ADAMTSL5: variants seen among roughly 807,000 people sequenced by gnomAD.
The protein encoded by ADAMTSL5 is ADAMTS-like protein 5.
ADAMTSL5 carries 53 observed loss-of-function variants against 51.7 expected under a neutral mutation model. The ratio of observed to expected loss-of-function variants is 1.03; its 90% CI spans 0.82 to 1.29. The LOEUF (loss-of-function observed/expected upper bound fraction) is 1.29. ADAMTSL5 is among the 50% of genes most tolerant of loss of function. The pLI, the probability that ADAMTSL5 is intolerant of heterozygous loss-of-function variation, is 0.00. For synonymous variants in ADAMTSL5, 285 were observed against 278.7 expected, an observed-to-expected ratio of 1.02 and a Z score of -0.23; for missense variants, 770 against 676.2, an observed-to-expected ratio of 1.14 and a Z score of -1.54.
rs535115033 is a variant in ADAMTSL5 at position 1,508,610 on chromosome 19, C to T, written c.362-40G>A. On this transcript the variant is annotated intron_variant, in intron 5 of 11. Coordinates refer to ENST00000330475, the MANE Select transcript of ADAMTSL5 (RefSeq NM_213604.3). The stretch of plus-strand genomic sequence containing the variant: ...AGTCGGTGGGCCGGGGACCCCTGTT[C>T]GAGCTCCAGTCCCCCTCTACCAAGC... The T allele has an allele frequency of 3.4e-6, 5 of 1,476,878 alleles. 1 individual carries two copies. In the South Asian group the frequency reaches 6.5e-5, roughly 19 times the overall value. 91.5% of individuals were successfully genotyped at this position (1,476,878 alleles called of 1,614,324 possible).
At position 1,512,638 on chromosome 19, in the gene ADAMTSL5, C is replaced by G. The variant is rs7508628; in HGVS notation, c.-218+325G>C. Among the ~76,000 whole-genome samples, 266 of 152,216 alleles carry G rather than the reference C, an allele frequency of 1.7e-3. 12 individuals carry two copies. The East Asian group carries it at 0.05, about 29-fold the overall frequency. ...GAGGTTGCAGTGAGCCGAGATGGGG[C>G]CAATGCACTCCAGCCTGGGCGACAT... On this transcript the variant is annotated intron_variant, in intron 1 of 11. Coordinates refer to ENST00000330475, the MANE Select transcript of ADAMTSL5 (RefSeq NM_213604.3).
At position 1,507,326 on chromosome 19, in the gene ADAMTSL5, G is replaced by A; in HGVS notation, c.768C>T (p.Gly256=). The change falls in exon 9 of 12, where the codon GGC becomes GGT. Residue 256 remains glycine (G), a synonymous_variant. Coordinates refer to ENST00000330475, the MANE Select transcript of ADAMTSL5 (RefSeq NM_213604.3). ...TGTCTCGGGTGTAGACCACATGCGT[G>A]CCGGCCGCCTCGTAGGTCCCTGGTG... is the stretch of plus-strand genomic sequence containing the variant. ...VSPPGTYEAA[G]THVVYTRDTG... is the part of the protein sequence containing the mutation. The A allele has an allele frequency of 6.3e-7, 1 of 1,595,922 alleles. No homozygotes were observed.
intron 7 of ADAMTSL5, 93 bp downstream of exon 7, chr19:1,507,905 C>T (rs1428982929): frequency 2.0e-5 from 27 of 1,357,312 alleles, no homozygotes; most frequent in Non-Finnish European, 2.7e-5. Context: ...GGGCCGCACA[C>T]TGGCCAATCA....
Position 1,506,179 on chromosome 19 carries a change from G to A in ADAMTSL5, c.1252C>T (p.Pro418Ser). ...YVWAPGHCPC[P>S]MLAPHRDYLM... Reference sequence around the variant, plus strand: ...TAGTCCCGGTGGGGTGCCAGCATCGGGCAGGGGCAGTGGCCTGGCGCCCAC... The same window carrying A: ...TAGTCCCGGTGGGGTGCCAGCATCGAGCAGGGGCAGTGGCCTGGCGCCCAC... Residue 418 changes from proline to serine, a missense_variant, in exon 12 of 12, where the codon CCG becomes TCG. By Grantham distance (74) the Pro-to-Ser change is moderately conservative (BLOSUM62 -1). Transcript: ENST00000330475. This position sits in a 1 kb window ranked among gnomAD's most constrained non-coding sequence, Gnocchi z 5.6. 1 of 1,609,324 alleles carries A rather than the reference G, an allele frequency of 6.2e-7. No homozygotes were observed. The highest frequency in any genetic ancestry group is 1.3e-5 in the African/African-American group (1 of 74,994).
At chr19:1,507,913 T>C in intron 7 of ADAMTSL5, 85 bp downstream of exon 7, 1 of 1,420,220 alleles carries the variant, frequency 7.0e-7, no homozygotes, top group Non-Finnish European at 9.6e-7. Flanking sequence ...CACTGGCCAA[T>C]CAGCACGGAA....
In ADAMTSL5 at chr19:1,505,700, C is replaced by T. The variant is rs1232598691; in HGVS notation, c.*315G>A. On this transcript the variant is annotated 3_prime_UTR_variant, in exon 12 of 12. Transcript: ENST00000330475. ...ACAGTGTCTCCAAGCAAGTGTGACG[C>T]GCGCAAAGAGAAAGAAAGCAGCGTT... The T allele has an allele frequency of 4.0e-5, 12 of 301,054 alleles. No individual in the cohort carries two copies. The highest frequency in any genetic ancestry group is 2.1e-4 in the South Asian group (3 of 14,036). 18.6% of individuals were successfully genotyped at this position (301,054 alleles called of 1,614,324 possible).
chr19:1,507,529 G>A (rs956468643), intron 8 of ADAMTSL5, 28 bp downstream of exon 8: 1 of 1,612,322 alleles, frequency 6.2e-7, no homozygotes, highest in African/African-American at 1.3e-5. Flanking sequence ...GCCCAGCCGG[G>A]TGCCTCTCGC....
chr19:1,506,386 C>A lies in ADAMTSL5; in HGVS notation c.1115-70G>T. The stretch of plus-strand genomic sequence containing the variant: ...CAAATCTCTACGCCCCCTCCCTTGC[C>A]AGAAGAGGGACTGAGGGTCAGGTGG... On this transcript the variant is annotated intron_variant, in intron 11 of 11. Coordinates refer to ENST00000330475, the MANE Select transcript of ADAMTSL5 (RefSeq NM_213604.3). The surrounding 1 kb of genome is among the most constrained non-coding windows in gnomAD (Gnocchi z 5.6). 4.6e-6 allele frequency: 7 copies of A among 1,514,526 alleles called. No homozygotes were observed. The highest frequency in any genetic ancestry group is 4.4e-6 in the Non-Finnish European group (5 of 1,128,046). 93.8% of individuals were successfully genotyped at this position (1,514,526 alleles called of 1,614,324 possible).
Position 1,506,767 on chromosome 19 carries a change from G to C in ADAMTSL5, c.1014C>G (p.Thr338=). 1 of 1,551,486 alleles carries C rather than the reference G, an allele frequency of 6.4e-7. No homozygotes were observed. The highest frequency in any genetic ancestry group is 8.7e-7 in the Non-Finnish European group (1 of 1,148,904). Residue 338 remains threonine, a synonymous_variant, in exon 10 of 12, where the codon ACC becomes ACG. Coordinates refer to ENST00000330475, the MANE Select transcript of ADAMTSL5 (RefSeq NM_213604.3). The surrounding 1 kb of genome is among the most constrained non-coding windows in gnomAD (Gnocchi z 5.6). ...EPQPPAAPAV[T]PAQTPTLAPD... is the part of the protein sequence containing the mutation. ...GGGCCAGCGTTGGGGTCTGTGCAGG[G>C]GTGACAGCAGGGGCTGCGGGGGGCT...
chr19:1,509,634 G>A (rs1287306713), intron 5 of ADAMTSL5, among the ~76,000 whole-genome samples: 1 of 131,618 alleles, frequency 7.6e-6, no homozygotes, highest in Non-Finnish European at 1.6e-5. Context: ...GGGAGGGAGG[G>A]AGGGAGGGAG....
Position 1,506,369 on chromosome 19 carries a change from T to A in ADAMTSL5, c.1115-53A>T, listed in dbSNP as rs1366240111. 2 of 1,520,260 alleles carry A rather than the reference T, an allele frequency of 1.3e-6. No homozygotes were observed. The highest frequency in any genetic ancestry group is 1.8e-6 in the Non-Finnish European group (2 of 1,128,232). The allele number at this position is 1,520,260 out of a possible 1,614,324, so 94.2% of individuals were successfully genotyped here. On this transcript the variant is annotated intron_variant, in intron 11 of 11. Transcript: ENST00000330475. The surrounding 1 kb of genome is among the most constrained non-coding windows in gnomAD (Gnocchi z 5.6). ...GGCTGCTCAACTCTGCGCAAATCTC[T>A]ACGCCCCCTCCCTTGCCAGAAGAGG...
Position 1,508,554 on chromosome 19 carries a change from G to A in ADAMTSL5, c.378C>T (p.Asp126=), listed in dbSNP as rs964658741. The A allele has an allele frequency of 1.0e-5, 16 of 1,568,066 alleles. No homozygotes were observed. The highest frequency in any genetic ancestry group is 1.2e-5 in the Non-Finnish European group (14 of 1,164,592). The change falls in exon 6 of 12, where the codon GAC becomes GAT. Residue 126 remains aspartate (D), a synonymous_variant. Coordinates refer to ENST00000330475, the MANE Select transcript of ADAMTSL5 (RefSeq NM_213604.3). ...CGTGCCCCTCAGCCAGGCAGTTGAGGTCGCACTGGTTGGGCGCTGAGGGCA... is the reference window on the plus strand; with the variant it reads ...CGTGCCCCTCAGCCAGGCAGTTGAGATCGCACTGGTTGGGCGCTGAGGGCA... ...VPFHGAPNQC[D]LNCLAEGHAF...
rs1019051542 is a variant in ADAMTSL5 at position 1,505,065 on chromosome 19, G to C, written c.*950C>G. 1 of 152,036 alleles carries C rather than the reference G, an allele frequency of 6.6e-6. No individual in the cohort carries two copies. The highest frequency in any genetic ancestry group is 1.5e-5 in the Non-Finnish European group (1 of 68,022). The allele number at this position is 152,036 out of a possible 1,614,324, so 9.4% of individuals were successfully genotyped here. ...TTAAAAAGTGCTTGTAAAAATTAAA[G>C]AGGAATAAAAGGGGGGTGAACAGCC... On this transcript the variant is annotated 3_prime_UTR_variant, in exon 12 of 12. Transcript: ENST00000330475.
At chr19:1,507,063 C>T (rs934227078) in intron 9 of ADAMTSL5, 135 bp from the exon 10 acceptor site, 15 of 1,268,744 alleles carry the variant, frequency 1.2e-5, no homozygotes, top group East Asian at 2.5e-5. Flanking sequence ...CTGTCCCTAG[C>T]TGATCCCCTC....
chr19:1,507,213 CT>C (rs985157777), intron 9 of ADAMTSL5, 28 bp downstream of exon 9: 2 of 1,524,004 alleles, frequency 1.3e-6, no homozygotes, highest in Non-Finnish European at 1.8e-6. Context: ...AGCCGACCCC[CT>C]CTGACCCTGT....
chr19:1,506,184 G>T lies in ADAMTSL5; in HGVS notation c.1247C>A (p.Pro416His). 6.2e-7 allele frequency: 1 copy of T among 1,609,176 alleles called. No individual in the cohort carries two copies. Among genetic ancestry groups the T allele is most frequent in the East Asian group, 2.2e-5 (1 of 44,754 alleles). The change falls in exon 12 of 12, where the codon CCC (proline) becomes CAC (histidine). Residue 416 changes from proline (P) to histidine (H), a missense_variant. By Grantham distance (77) the Pro-to-His change is moderately conservative. Transcript: ENST00000330475. This position sits in a 1 kb window ranked among gnomAD's most constrained non-coding sequence, Gnocchi z 5.6. ...REYVWAPGHC[P>H]CPMLAPHRDY... ...CCGGTGGGGTGCCAGCATCGGGCAG[G>T]GGCAGTGGCCTGGCGCCCACACGTA...
chr19:1,506,630 G>A lies in ADAMTSL5; in HGVS notation c.1074C>T (p.Gly358=). The change falls in exon 11 of 12, where the codon GGC becomes GGT. Residue 358 remains glycine, a synonymous_variant. Transcript: ENST00000330475. The surrounding 1 kb of genome is among the most constrained non-coding windows in gnomAD (Gnocchi z 5.6). ...AATAGTGGAGTAGTCGGTGGGCGCGGCCGCGGGTGTCAGGGCAGGGTGGGC... is the reference window on the plus strand; with the variant it reads ...AATAGTGGAGTAGTCGGTGGGCGCGACCGCGGGTGTCAGGGCAGGGTGGGC... ...DPCPPCPDTR[G]RAHRLLHYCG... is the part of the protein sequence containing the mutation. 1.2e-6 allele frequency: 2 copies of A among 1,611,358 alleles called. No homozygotes were observed. Among genetic ancestry groups the A allele is most frequent in the Middle Eastern group, 1.7e-4 (1 of 5,920 alleles).
chr19:1,506,060 C>T lies in ADAMTSL5; in HGVS notation c.1371G>A (p.Ala457=), dbSNP rs182451667. The change falls in exon 12 of 12, where the codon GCG becomes GCA. Residue 457 remains alanine, a synonymous_variant. Transcript: ENST00000330475. This position sits in a 1 kb window ranked among gnomAD's most constrained non-coding sequence, Gnocchi z 5.6. ...CAGTCAGGCGTATGCGGCTGTCCTC[C>T]GCAGGGCTCCAGGGCCGGGCGTAGC... ...HAGYARPWSP[A]EDSRIRLTAR... is the part of the protein sequence containing the mutation. The T allele has an allele frequency of 3.4e-4, 545 of 1,592,774 alleles. No individual in the cohort carries two copies. The highest frequency in any genetic ancestry group is 3.8e-4 in the Non-Finnish European group (441 of 1,174,722).
At position 1,506,602 on chromosome 19, in the gene ADAMTSL5, C is replaced by T. The variant is rs746736830; in HGVS notation, c.1102G>A (p.Gly368Ser). 3.7e-5 allele frequency: 59 copies of T among 1,610,798 alleles called. No individual in the cohort carries two copies. The Middle Eastern group carries it at 6.6e-4, about 18-fold the overall frequency. The change falls in exon 11 of 12, where the codon GGC (glycine) becomes AGC (serine). Residue 368 changes from glycine (G) to serine (S), a missense_variant. Gly to Ser is a moderately conservative substitution (Grantham distance 56). Transcript: ENST00000330475. The surrounding 1 kb of genome is among the most constrained non-coding windows in gnomAD (Gnocchi z 5.6). ...GRAHRLLHYC[G>S]SDFVFQARVL... ...TCGGGGGTCTCACCAAAGTCACTGC[C>T]GCAATAGTGGAGTAGTCGGTGGGCG...
Sources: allele counts gnomAD v4.1 joint callset (sites outside exome capture counted in the v4.1 genomes callset), GRCh38; gene constraint gnomAD v4.1.1; non-coding constraint Gnocchi (gnomAD v3.1); transcripts MANE v1.5; gene names NCBI Gene and HGNC (gene_info 2026-07-23, HGNC 2026-07-21).